Variants in ARHGAP26 observed in about 807,000 individuals in gnomAD.
The protein encoded by ARHGAP26 is Rho GTPase activating protein 26, also known as rho GTPase-activating protein 26.
Under a neutral mutation model 104.8 loss-of-function variants are expected in ARHGAP26, and 38 were observed. The observed-to-expected ratio is 0.36, with a 90% CI of 0.28 to 0.48. The LOEUF (loss-of-function observed/expected upper bound fraction) is 0.48, where lower values mean the gene tolerates loss of function less well. Ranked by LOEUF, ARHGAP26 falls within the 20% of genes least tolerant of loss-of-function variation. The pLI is 0.99. For synonymous variants in ARHGAP26, 341 were observed against 340.0 expected, an observed-to-expected ratio of 1.00 and a Z score of -0.03; for missense variants, 704 against 947.9, an observed-to-expected ratio of 0.74 and a Z score of 3.38.
intron 1 of ARHGAP26, among the ~76,000 whole-genome samples, chr5:142,844,391 A>G (rs576123633): frequency 6.6e-6 from 1 of 151,786 alleles, no homozygotes; most frequent in African/African-American, 2.4e-5. Flanking sequence ...TTTTCCATGA[A>G]TGAGTTAGCA....
intron 11 of ARHGAP26, among the ~76,000 whole-genome samples, chr5:142,997,311 C>T (rs1357688472): frequency 5.3e-5 from 8 of 152,142 alleles, no homozygotes; most frequent in Non-Finnish European, 7.3e-5. Flanking sequence ...ACATTTTGAT[C>T]ATCCACTGTG....
At chr5:142,805,877 C>A (rs1762894141) in intron 1 of ARHGAP26, among the ~76,000 whole-genome samples, 1 of 152,160 alleles carries the variant, frequency 6.6e-6, no homozygotes, top group Non-Finnish European at 1.5e-5. Flanking sequence ...CATTTTTTAA[C>A]CTTCCAGTGG....
chr5:142,808,916 G>A (rs971036429), intron 1 of ARHGAP26, among the ~76,000 whole-genome samples: 1 of 152,168 alleles, frequency 6.6e-6, no homozygotes. Flanking sequence ...ATCCATATAT[G>A]GCACCTTACT....
In ARHGAP26 at chr5:142,806,286, C is replaced by A. The variant is rs77323293; in HGVS notation, c.154+35371C>A. 5.7e-3 allele frequency among the ~76,000 whole-genome samples: 870 copies of A among 152,220 alleles called. 18 individuals are homozygous for A. In the East Asian group the frequency reaches 0.062, roughly 11 times the overall value. Reference sequence around the variant, plus strand: ...TTTTTATTTTTATTTTTTGTAGAAACGGAATCTCACTATGTTGCTCAGGCT... The same window carrying A: ...TTTTTATTTTTATTTTTTGTAGAAAAGGAATCTCACTATGTTGCTCAGGCT... On this transcript the variant is annotated intron_variant, in intron 1 of 22. Coordinates refer to ENST00000645722, the MANE Select transcript of ARHGAP26 (RefSeq NM_001135608.3).
intron 11 of ARHGAP26, among the ~76,000 whole-genome samples, chr5:142,934,518 T>C (rs962067712): frequency 2.0e-5 from 3 of 152,218 alleles, no homozygotes; most frequent in African/African-American, 7.2e-5. Context: ...CTCCCATTGC[T>C]GAAAGCCTCT....
intron 1 of ARHGAP26, among the ~76,000 whole-genome samples, chr5:142,824,714 G>A (rs762012543): frequency 1.5e-4 from 23 of 151,944 alleles, no homozygotes; most frequent in Non-Finnish European, 2.6e-4. Context: ...GTCTCTGTGG[G>A]ACTTAAGAAC....
In ARHGAP26 at chr5:142,873,382, C is replaced by T; in HGVS notation, c.155-18C>T. The T allele has an allele frequency of 6.3e-7, 1 of 1,581,464 alleles. No homozygotes were observed. Among genetic ancestry groups the T allele is most frequent in the Admixed American group, 1.9e-5 (1 of 52,826 alleles). On this transcript the variant is annotated intron_variant, in intron 1 of 22. Transcript: ENST00000645722. Reference sequence around the variant, plus strand: ...TAATTTTAGTAATTCCTGATTTTTCCTGTCTTTTTCTTGCTAGATTTGTCT... The same window carrying T: ...TAATTTTAGTAATTCCTGATTTTTCTTGTCTTTTTCTTGCTAGATTTGTCT...
At chr5:142,792,954 A>G (rs1167208342) in intron 1 of ARHGAP26, among the ~76,000 whole-genome samples, 1 of 152,224 alleles carries the variant, frequency 6.6e-6, no homozygotes, top group Admixed American at 6.5e-5. Context: ...ACTGATGTTC[A>G]TCGAAGGCAG....
intron 17 of ARHGAP26, among the ~76,000 whole-genome samples, chr5:143,082,230 C>G (rs923311874): frequency 4.6e-5 from 7 of 152,038 alleles, no homozygotes; most frequent in Non-Finnish European, 7.4e-5. Context: ...TCCCACCCCC[C>G]AAGACAATAA....
At chr5:143,013,041 A>C (rs1779110137) in intron 11 of ARHGAP26, among the ~76,000 whole-genome samples, 1 of 152,144 alleles carries the variant, frequency 6.6e-6, no homozygotes, top group Non-Finnish European at 1.5e-5. Context: ...CAAAGACTGA[A>C]TCCAGCCCAC....
chr5:142,986,359 A>AT (rs1343015100), intron 11 of ARHGAP26, among the ~76,000 whole-genome samples: 4 of 151,440 alleles, frequency 2.6e-5, no homozygotes, highest in African/African-American at 7.3e-5. Context: ...GGGTTGTTTG[A>AT]TTTTTTTCTT....
intron 20 of ARHGAP26, chr5:143,164,912 T>C (rs1426466552): frequency 1.3e-5 from 2 of 152,230 alleles, no homozygotes; most frequent in Non-Finnish European, 2.9e-5. Context: ...TCTGAATATA[T>C]AATCAGTGTG....
At chr5:143,054,800 A>G (rs1203097790) in intron 15 of ARHGAP26, among the ~76,000 whole-genome samples, 2 of 152,256 alleles carry the variant, frequency 1.3e-5, no homozygotes. Context: ...AGAACCTAAA[A>G]TGGGGTCTTC....
rs73300601 is a variant in ARHGAP26, at chr5:143,099,662, T to C, written c.1539-21326T>C. On this transcript the variant is annotated intron_variant, in intron 17 of 22. Coordinates refer to ENST00000645722, the MANE Select transcript of ARHGAP26 (RefSeq NM_001135608.3). Reference sequence around the variant, plus strand: ...CACTTAACCTGTGTTATTTAGGATTTCCATAAGTGAAGTTCCTCTGCTGAT... The same window carrying C: ...CACTTAACCTGTGTTATTTAGGATTCCCATAAGTGAAGTTCCTCTGCTGAT... Among the ~76,000 whole-genome samples, 796 of 152,298 alleles carry C rather than the reference T, an allele frequency of 5.2e-3. 5 individuals carry two copies. The highest frequency in any genetic ancestry group is 0.018 in the African/African-American group (754 of 41,554).
chr5:143,011,125 A>C (rs1243119714), intron 11 of ARHGAP26, among the ~76,000 whole-genome samples: 1 of 152,078 alleles, frequency 6.6e-6, no homozygotes, highest in Non-Finnish European at 1.5e-5. Context: ...CTGATTGCTA[A>C]TCACACTGGC....
At chr5:142,781,917 G>A (rs183041230) in intron 1 of ARHGAP26, among the ~76,000 whole-genome samples, 73 of 152,232 alleles carry the variant, frequency 4.8e-4, no homozygotes, top group South Asian at 3.3e-3. Flanking sequence ...GGGTTTCACC[G>A]TGTTACTCAG....
chr5:142,806,434 T>A (rs1017432476), intron 1 of ARHGAP26, among the ~76,000 whole-genome samples: 9 of 151,914 alleles, frequency 5.9e-5, no homozygotes, highest in Admixed American at 5.2e-4. Context: ...ATATGTTTTT[T>A]AACGGTTGTA....
intron 18 of ARHGAP26, among the ~76,000 whole-genome samples, chr5:143,126,244 G>A (rs1048231560): frequency 6.6e-6 from 1 of 152,200 alleles, no homozygotes; most frequent in Non-Finnish European, 1.5e-5. Flanking sequence ...GCCACTCAGA[G>A]GAGCAGCATT....
In ARHGAP26 at chr5:143,228,385, G is replaced by C. The variant is rs78962621; in HGVS notation, c.*5939G>C. ...GAATTAGAGACACAAGAGAGGCTGTGGATGGCCTATTAAAATGATTAAAGA... is the reference window on the plus strand; with the variant it reads ...GAATTAGAGACACAAGAGAGGCTGTCGATGGCCTATTAAAATGATTAAAGA... On this transcript the variant is annotated 3_prime_UTR_variant, in exon 23 of 23. Transcript: ENST00000645722. The C allele has an allele frequency of 0.022, 4,940 of 222,044 alleles. 244 individuals carry two copies. Among genetic ancestry groups the C allele is most frequent in the African/African-American group, 0.1 (4,651 of 44,744 alleles). The allele number at this position is 222,044 out of a possible 1,614,324, so 13.8% of individuals were successfully genotyped here. A position where few individuals can be genotyped will look rare whatever the true frequency, so the allele number is the denominator to read the frequency against.
Sources: allele counts gnomAD v4.1 joint callset (sites outside exome capture counted in the v4.1 genomes callset), GRCh38; gene constraint gnomAD v4.1.1; transcripts MANE v1.5; gene names NCBI Gene and HGNC (gene_info 2026-07-23, HGNC 2026-07-21).